Variants in AP5Z1 observed in about 807,000 individuals in gnomAD.
The protein encoded by AP5Z1 is adaptor related protein complex 5 subunit zeta 1.
In AP5Z1, 106 loss-of-function variants were observed where a neutral mutation model predicts 83.0. The observed-to-expected ratio is 1.28, with a 90% CI of 1.09 to 1.50. AP5Z1 has a LOEUF of 1.50. AP5Z1 is among the 40% of genes most tolerant of loss of function. The pLI is 0.00. For synonymous variants in AP5Z1, 751 were observed against 514.1 expected (o/e 1.46, Z -6.23); for missense variants, 1,565 against 1,094.2 (o/e 1.43, Z -6.07).
At chr7:4,787,843 C>T in intron 11 of AP5Z1, 67 bp downstream of exon 11, 1 of 1,471,974 alleles carries the variant, frequency 6.8e-7, no homozygotes, top group Non-Finnish European at 9.0e-7. Context: ...TGGGCCCCCT[C>T]CTCGCTGCTC....
rs115151561 is a variant in AP5Z1 at position 4,784,686 on chromosome 7, G to A, written c.791-222G>A. Reference sequence around the variant, plus strand: ...GGAGTGACGCCACTGAGCTCCTCCCGGCTGCTCTGTGGACTTGTTGGGGAA... The same window carrying A: ...GGAGTGACGCCACTGAGCTCCTCCCAGCTGCTCTGTGGACTTGTTGGGGAA... On this transcript the variant is annotated intron_variant, in intron 6 of 16. Coordinates refer to ENST00000649063, the MANE Select transcript of AP5Z1 (RefSeq NM_014855.3). 0.013 allele frequency among the ~76,000 whole-genome samples: 1,971 copies of A among 152,276 alleles called. 48 individuals are homozygous for A. The highest frequency in any genetic ancestry group is 0.046 in the African/African-American group (1,892 of 41,544).
At chr7:4,776,389 A>G (rs1781226309) in intron 1 of AP5Z1, among the ~76,000 whole-genome samples, 1 of 152,052 alleles carries the variant, frequency 6.6e-6, no homozygotes, top group African/African-American at 2.4e-5. Context: ...ACGGTCCACC[A>G]AACAGGCAAA....
At chr7:4,777,449 G>A (rs913949284) in intron 1 of AP5Z1, among the ~76,000 whole-genome samples, 20 of 151,994 alleles carry the variant, frequency 1.3e-4, no homozygotes, top group African/African-American at 2.9e-4. Flanking sequence ...GTACAATGGC[G>A]CAATCTCAGT....
At position 4,785,042 on chromosome 7, in the gene AP5Z1, A is replaced by G. The variant is rs758467988; in HGVS notation, c.925A>G (p.Asn309Asp). The change falls in exon 7 of 17, where the codon AAC (asparagine) becomes GAC (aspartate). Residue 309 changes from asparagine to aspartate, a missense_variant. Asn to Asp is a conservative substitution (Grantham distance 23, BLOSUM62 1). Transcript: ENST00000649063. ...EYCQRLIEQS[N>D]RRALRKGDSD... ...CTGCCAGCGCCTCATTGAGCAAAGT[A>G]ACCGACGTGAGTCCCCCACCCAGGG... is the stretch of plus-strand genomic sequence containing the variant. 4 of 1,593,214 alleles carry G rather than the reference A, an allele frequency of 2.5e-6. No homozygotes were observed. The highest frequency in any genetic ancestry group is 1.1e-5 in the South Asian group (1 of 89,718).
chr7:4,784,954 C>T lies in AP5Z1; in HGVS notation c.837C>T (p.Ala279=), dbSNP rs1281288351. Residue 279 remains alanine (A), a synonymous_variant, in exon 7 of 17, where the codon GCC becomes GCT. Transcript: ENST00000649063. ...GCTCCACTCTGTCGGTGATCTCCGC[C>T]ACCTCCTCTGCCGGCCGCCTGCTGC... ...QEGSTLSVIS[A]TSSAGRLLPP... is the part of the protein sequence containing the mutation. The T allele has an allele frequency of 6.2e-7, 1 of 1,612,096 alleles. No homozygotes were observed. Among genetic ancestry groups the T allele is most frequent in the Admixed American group, 1.7e-5 (1 of 59,950 alleles).
At chr7:4,787,047 C>T (rs1363153250) in intron 10 of AP5Z1, among the ~76,000 whole-genome samples, 13 of 151,630 alleles carry the variant, frequency 8.6e-5, no homozygotes, top group Admixed American at 8.5e-4. Context: ...GCTGGGATTA[C>T]AGGCATGAGC....
chr7:4,777,473 C>T (rs576339402), intron 1 of AP5Z1, among the ~76,000 whole-genome samples: 21 of 152,146 alleles, frequency 1.4e-4, no homozygotes, highest in Admixed American at 5.2e-4. Context: ...CTGCAACCTC[C>T]GCCTCCTGGG....
At chr7:4,784,135 T>C in intron 5 of AP5Z1, 68 bp from the exon 6 acceptor site, 1 of 1,498,556 alleles carries the variant, frequency 6.7e-7, no homozygotes. Flanking sequence ...CTGAGGAGCT[T>C]GTGCTAAAGG....
chr7:4,784,102 T>C, intron 5 of AP5Z1, 101 bp from the exon 6 acceptor site: 2 of 1,383,476 alleles, frequency 1.4e-6, no homozygotes, highest in East Asian at 2.5e-5. Context: ...GGGCTCATGT[T>C]CAGGCAGCTT....
In AP5Z1 at chr7:4,785,530, G is replaced by A. The variant is rs1463923803; in HGVS notation, c.978G>A (p.Val326=). 8.1e-6 allele frequency: 13 copies of A among 1,613,148 alleles called. No individual in the cohort carries two copies. The highest frequency in any genetic ancestry group is 1.1e-5 in the South Asian group (1 of 90,972). ...TGGTCCATGTCCCGCAGTGCCTGGT[G>A]GAGGCCGTGCTGGTGCTGGACGTGC... ...GDSDLQKACL[V]EAVLVLDVLC... is the part of the protein sequence containing the mutation. The change falls in exon 9 of 17, where the codon GTG becomes GTA. Residue 326 remains valine (V), a synonymous_variant. Transcript: ENST00000649063.
Position 4,781,731 on chromosome 7 carries a change from G to C in AP5Z1, c.343G>C (p.Val115Leu), listed in dbSNP as rs760484894. 66 of 1,576,296 alleles carry C rather than the reference G, an allele frequency of 4.2e-5. No homozygotes were observed. In the South Asian group the frequency reaches 6.2e-4, roughly 15 times the overall value. ...GCAGAACAGCCGGCAGCTGAGCCTG[G>C]TGGCCTCCGTTCTCTTGGCCCAGGT... The part of the protein sequence containing the change: ...HTQNSRQLSL[V>L]ASVLLAQGDR... Residue 115 changes from valine to leucine, a missense_variant, in exon 3 of 17, where the codon GTG becomes CTG. By Grantham distance (32) the Val-to-Leu change is conservative. Coordinates refer to ENST00000649063, the MANE Select transcript of AP5Z1 (RefSeq NM_014855.3).
Position 4,785,441 on chromosome 7 carries a change from C to A in AP5Z1, c.958C>A (p.Leu320Met). The A allele has an allele frequency of 1.2e-6, 2 of 1,613,432 alleles. No individual in the cohort carries two copies. Among genetic ancestry groups the A allele is most frequent in the Non-Finnish European group, 1.7e-6 (2 of 1,179,694 alleles). Reference protein sequence around the residue: ...RRALRKGDSDLQKACLVEAVL... With the variant: ...RRALRKGDSDMQKACLVEAVL... ...AGCCCTGAGGAAGGGGGACTCCGAC[C>A]TGCAGAAAGCTGTAAGTGGCTGGGG... The change falls in exon 8 of 17, where the codon CTG becomes ATG. Residue 320 changes from leucine to methionine, a missense_variant. Physicochemically the swap from Leu to Met is conservative, Grantham distance 15. Transcript: ENST00000649063.
At position 4,787,900 on chromosome 7, in the gene AP5Z1, A is replaced by G. The variant is rs572328572; in HGVS notation, c.1454+124A>G. 16 of 1,274,064 alleles carry G rather than the reference A, an allele frequency of 1.3e-5. No individual in the cohort carries two copies. The African/African-American group carries it at 1.8e-4, about 14-fold the overall frequency. 78.9% of individuals were successfully genotyped at this position (1,274,064 alleles called of 1,614,324 possible). ...CTCCTTCTTCCCCCCCCAACACCTG[A>G]CCAGTCCTCCCCTGCAAAGCCACCT... On this transcript the variant is annotated intron_variant, in intron 11 of 16. Coordinates refer to ENST00000649063, the MANE Select transcript of AP5Z1 (RefSeq NM_014855.3).
rs749354327 is a variant in AP5Z1 at position 4,791,380 on chromosome 7, G to C, written c.2419G>C (p.Gly807Arg). ...LVEREAGLMP[G>R] Reference sequence around the variant, plus strand: ...GGAGAGGGAGGCCGGCCTCATGCCAGGGTGAAGGGACAGTGGCCAGGGACT... The same window carrying C: ...GGAGAGGGAGGCCGGCCTCATGCCACGGTGAAGGGACAGTGGCCAGGGACT... The change falls in exon 17 of 17, where the codon GGG (glycine) becomes CGG (arginine). Residue 807 changes from glycine (G) to arginine (R), a missense_variant. Gly to Arg is a moderately radical substitution (Grantham distance 125). Transcript: ENST00000649063. The C allele has an allele frequency of 1.2e-6, 2 of 1,604,898 alleles. No homozygotes were observed.
intron 1 of AP5Z1, among the ~76,000 whole-genome samples, chr7:4,777,448 C>T (rs922478344): frequency 2.6e-5 from 4 of 151,978 alleles, no homozygotes; most frequent in Non-Finnish European, 4.4e-5. Context: ...AGTACAATGG[C>T]GCAATCTCAG....
At chr7:4,785,186 A>G in intron 7 of AP5Z1, 138 bp downstream of exon 7, 1 of 1,401,354 alleles carries the variant, frequency 7.1e-7, no homozygotes, top group Non-Finnish European at 9.5e-7. Context: ...GAGCAGGGGC[A>G]TTTTTGCTTC....
chr7:4,776,480 G>T (rs1354441236), intron 1 of AP5Z1, among the ~76,000 whole-genome samples: 1 of 151,448 alleles, frequency 6.6e-6, no homozygotes, highest in African/African-American at 2.4e-5. Context: ...ACTTTGGGAG[G>T]CCAAGGCAGG....
At chr7:4,781,852 CTTG>C (rs1375359596) in intron 3 of AP5Z1, 98 bp downstream of exon 3, 3 of 1,363,826 alleles carry the variant, frequency 2.2e-6, no homozygotes, top group East Asian at 2.5e-5. Flanking sequence ...CAGGTGGCTG[CTTG>C]TTGTAGACGC....
rs368558554 is a variant in AP5Z1 at position 4,781,773 on chromosome 7, C to T, written c.366+19C>T. The T allele has an allele frequency of 2.6e-6, 4 of 1,524,412 alleles. No homozygotes were observed. The African/African-American group carries it at 4.1e-5, about 16-fold the overall frequency. 94.4% of individuals were successfully genotyped at this position (1,524,412 alleles called of 1,614,324 possible). A position where few individuals can be genotyped will look rare whatever the true frequency, so the allele number is the denominator to read the frequency against. On this transcript the variant is annotated intron_variant, in intron 3 of 16. Transcript: ENST00000649063. ...GGCCCAGGTAGCGCAGCAGTCACCA[C>T]CCCAGTTGGCACCGGATGGCTGCTT...
Sources: allele counts gnomAD v4.1 joint callset (sites outside exome capture counted in the v4.1 genomes callset), GRCh38; gene constraint gnomAD v4.1.1; transcripts MANE v1.5; gene names NCBI Gene and HGNC (gene_info 2026-07-23, HGNC 2026-07-21).